The following MSRA variants were observed in gnomAD, a reference collection of about 807,000 sequenced individuals.
MSRA encodes methionine sulfoxide reductase A, also known as mitochondrial peptide methionine sulfoxide reductase.
In MSRA, 54 loss-of-function variants were observed where a neutral mutation model predicts 31.3. The ratio of observed to expected loss-of-function variants is 1.73; its 90% CI spans 1.39 to 2.17. The LOEUF is 2.17. MSRA is among the 30% of genes most tolerant of loss of function. The probability of loss-of-function intolerance (pLI) is 0.00; values close to 1 mark genes in which losing one functional copy is unlikely to be tolerated. For missense variants in MSRA, 507 were observed against 300.9 expected (o/e 1.69, Z -5.07); for synonymous variants, 169 against 116.5 (o/e 1.45, Z -2.90).
chr8:10,229,865 C>G (rs752725709), intron 2 of MSRA, among the ~76,000 whole-genome samples: 4 of 152,136 alleles, frequency 2.6e-5, no homozygotes, highest in Non-Finnish European at 5.9e-5. Context: ...AATGGGAGCT[C>G]TTTTTCTTTC....
chr8:10,295,830 C>A (rs1400096820), intron 3 of MSRA, among the ~76,000 whole-genome samples: 6 of 152,106 alleles, frequency 3.9e-5, no homozygotes, highest in Admixed American at 1.3e-4. Context: ...CTCTGGTGGA[C>A]AAAGGTTCTT....
At chr8:10,284,746 G>T (rs1188011748) in intron 3 of MSRA, among the ~76,000 whole-genome samples, 9 of 152,218 alleles carry the variant, frequency 5.9e-5, no homozygotes, top group Admixed American at 5.9e-4. Flanking sequence ...GATGGTGGCT[G>T]TGCCATGTAA....
At chr8:10,421,741 C>G (rs530281924) in intron 5 of MSRA, among the ~76,000 whole-genome samples, 1 of 152,120 alleles carries the variant, frequency 6.6e-6, no homozygotes, top group Non-Finnish European at 1.5e-5. Context: ...TGTGGTGTTC[C>G]TATGAGTCGC....
chr8:10,307,254 C>T (rs1468403170), intron 4 of MSRA, among the ~76,000 whole-genome samples: 1 of 151,776 alleles, frequency 6.6e-6, no homozygotes, highest in African/African-American at 2.4e-5. Context: ...GCAACTTCTG[C>T]CTCCCAAGCT....
chr8:10,406,946 G>T (rs1807855430), intron 5 of MSRA, among the ~76,000 whole-genome samples: 1 of 152,150 alleles, frequency 6.6e-6, no homozygotes, highest in Non-Finnish European at 1.5e-5. Flanking sequence ...TTGATCTTCT[G>T]GGCTCCCTGT....
intron 3 of MSRA, among the ~76,000 whole-genome samples, chr8:10,268,645 T>G (rs1798870410): frequency 6.6e-6 from 1 of 152,214 alleles, no homozygotes; most frequent in South Asian, 2.1e-4. Context: ...AAGACTTTCT[T>G]AAAAAATAAC....
chr8:10,363,851 G>A (rs1805005799), intron 5 of MSRA, among the ~76,000 whole-genome samples: 1 of 151,984 alleles, frequency 6.6e-6, no homozygotes, highest in Non-Finnish European at 1.5e-5. Flanking sequence ...AGGATGACTT[G>A]AGTCTGGGAG....
chr8:10,135,938 C>T (rs994140684), intron 1 of MSRA, among the ~76,000 whole-genome samples: 2 of 152,108 alleles, frequency 1.3e-5, no homozygotes, highest in Admixed American at 6.5e-5. Flanking sequence ...ACTGAAGATC[C>T]AGAAGGATCC....
chr8:10,387,675 A>G (rs1280123025), intron 5 of MSRA, among the ~76,000 whole-genome samples: 2 of 152,172 alleles, frequency 1.3e-5, no homozygotes, highest in Non-Finnish European at 2.9e-5. Context: ...TCTCCCAAGT[A>G]ATGTCTCGGA....
At chr8:10,085,501 G>A (rs1798514162) in intron 1 of MSRA, among the ~76,000 whole-genome samples, 1 of 152,160 alleles carries the variant, frequency 6.6e-6, no homozygotes, top group African/African-American at 2.4e-5. Flanking sequence ...CTTTTAGGTG[G>A]GGACAGTGTC....
chr8:10,098,469 A>T (rs1487719073), intron 1 of MSRA, among the ~76,000 whole-genome samples: 1 of 152,154 alleles, frequency 6.6e-6, no homozygotes, highest in East Asian at 1.9e-4. Flanking sequence ...TATTCAACAA[A>T]TGTTTATTGA....
chr8:10,411,014 C>T (rs1323054939), intron 5 of MSRA: 1 of 146,366 alleles, frequency 6.8e-6, no homozygotes, highest in Non-Finnish European at 1.5e-5. Context: ...TTTCCTTCCT[C>T]CTTTCAAAAA....
intron 1 of MSRA, among the ~76,000 whole-genome samples, chr8:10,076,015 A>G (rs926193209): frequency 6.6e-6 from 1 of 152,198 alleles, no homozygotes; most frequent in African/African-American, 2.4e-5. Flanking sequence ...TCTCTAGTGA[A>G]GGGCATGTTG....
At chr8:10,245,292 C>T (rs1030803098) in intron 3 of MSRA, 69 bp downstream of exon 3, 19 of 1,408,596 alleles carry the variant, frequency 1.3e-5, no homozygotes, top group South Asian at 1.3e-4. Flanking sequence ...TGTTGGGTGA[C>T]AGGCTCTTTA....
intron 1 of MSRA, among the ~76,000 whole-genome samples, chr8:10,173,088 T>G (rs2081638996): frequency 6.6e-6 from 1 of 152,246 alleles, no homozygotes; most frequent in African/African-American, 2.4e-5. Context: ...GAGGGCCACC[T>G]TTTTCTCACA....
At chr8:10,262,552 C>A (rs73534533) in intron 3 of MSRA, among the ~76,000 whole-genome samples, 12,949 of 152,080 alleles carry the variant, frequency 0.085, 569 homozygotes, top group Middle Eastern at 0.17. Context: ...ATCTTTTGCC[C>A]ATTTTTTATT....
chr8:10,118,789 C>G (rs1800880410), intron 1 of MSRA, among the ~76,000 whole-genome samples: 1 of 152,202 alleles, frequency 6.6e-6, no homozygotes, highest in Non-Finnish European at 1.5e-5. Flanking sequence ...ATGTGGCACT[C>G]TTTTCTAAGC....
chr8:10,204,497 C>G (rs1234566509), intron 1 of MSRA, among the ~76,000 whole-genome samples: 1 of 152,120 alleles, frequency 6.6e-6, no homozygotes. Flanking sequence ...AAATACTTAT[C>G]ATTGTATTAC....
intron 1 of MSRA, among the ~76,000 whole-genome samples, chr8:10,072,495 C>G (rs1165649588): frequency 6.6e-6 from 1 of 152,102 alleles, no homozygotes; most frequent in Non-Finnish European, 1.5e-5. Flanking sequence ...GTCATGCTGT[C>G]TTGGTTATGA....
Sources: allele counts gnomAD v4.1 joint callset (sites outside exome capture counted in the v4.1 genomes callset), GRCh38; gene constraint gnomAD v4.1.1; transcripts MANE v1.5; gene names NCBI Gene and HGNC (gene_info 2026-07-23, HGNC 2026-07-21).